TOPBP1: variants seen among roughly 807,000 people sequenced by gnomAD.
TOPBP1 encodes DNA topoisomerase II binding protein 1, also known as DNA topoisomerase 2-binding protein 1.
In TOPBP1, 28 loss-of-function variants were observed where a neutral mutation model predicts 167.7. That is an observed-to-expected ratio of 0.17 (90% CI 0.12 to 0.23). The LOEUF (loss-of-function observed/expected upper bound fraction) is 0.23, where lower values mean the gene tolerates loss of function less well. Among genes scored for constraint, TOPBP1 ranks in the 10% least tolerant of loss-of-function variants. The probability of loss-of-function intolerance (pLI) is 1.00; values close to 1 mark genes in which losing one functional copy is unlikely to be tolerated. For missense variants in TOPBP1, 1,554 were observed against 1,809.6 expected (o/e 0.86, Z 2.56); for synonymous variants, 598 against 611.4 (o/e 0.98, Z 0.32).
In TOPBP1 at chr3:133,659,122, T is replaced by C. The variant is rs1289247737; in HGVS notation, c.113A>G (p.Tyr38Cys). ...ESIKEFQSEE[Y>C]LQIITEEEAL... ...CTCTTCTTCTGTAATAATCTGAAGA[T>C]ATTCTTCTGATTGGAATTCTTTTAT... is the stretch of plus-strand genomic sequence containing the variant. Residue 38 changes from tyrosine (Y) to cysteine (C), a missense_variant, in exon 3 of 28, where the codon TAT becomes TGT. By Grantham distance (194) the Tyr-to-Cys change is radical. Transcript: ENST00000260810. The C allele has an allele frequency of 4.4e-6, 7 of 1,574,582 alleles. No individual in the cohort carries two copies. Among genetic ancestry groups the C allele is most frequent in the African/African-American group, 1.4e-5 (1 of 74,038 alleles).
chr3:133,629,713 T>C (rs1024119193), intron 14 of TOPBP1, among the ~76,000 whole-genome samples: 2 of 152,186 alleles, frequency 1.3e-5, no homozygotes, highest in African/African-American at 4.8e-5. Context: ...CTAAAAAATT[T>C]TATCTGTATG....
In TOPBP1 at chr3:133,601,327, C is replaced by G; in HGVS notation, c.4492G>C (p.Glu1498Gln). The change falls in exon 28 of 28, where the codon GAA (glutamate) becomes CAA (glutamine). Residue 1498 changes from glutamate to glutamine, a missense_variant. This residue lies in a region of TOPBP1 where 351 missense variants were observed against 432.9 expected (regional missense o/e 0.81). Transcript: ENST00000260810. ...EAISFIQNNK[E>Q]LGTGLSQKRK... ...TTTTGTGATAATCCAGTCCCAAGTT[C>G]CTTATTATTCTGAATAAATGAAATA... is the stretch of plus-strand genomic sequence containing the variant. The G allele has an allele frequency of 6.3e-7, 1 of 1,594,890 alleles. No individual in the cohort carries two copies. Among genetic ancestry groups the G allele is most frequent in the Non-Finnish European group, 8.5e-7 (1 of 1,170,690 alleles).
chr3:133,640,237 T>C (rs1399878064), intron 12 of TOPBP1, 67 bp from the exon 13 acceptor site: 2 of 1,364,592 alleles, frequency 1.5e-6, no homozygotes, highest in Non-Finnish European at 2.0e-6. Context: ...CTAACAAAAT[T>C]TCCAACACAA....
intron 21 of TOPBP1, 146 bp from the exon 22 acceptor site, chr3:133,617,472 C>T (rs1008903787): frequency 1.7e-5 from 14 of 808,142 alleles, no homozygotes; most frequent in Non-Finnish European, 1.0e-5. Context: ...GTATCCTATC[C>T]CCAGAACTTA....
intron 27 of TOPBP1, among the ~76,000 whole-genome samples, chr3:133,608,089 CA>C (rs1302578143): frequency 6.6e-6 from 1 of 152,160 alleles, no homozygotes. Context: ...TTACACAACA[CA>C]GGCCAATTCT....
intron 23 of TOPBP1, among the ~76,000 whole-genome samples, chr3:133,613,343 T>A (rs1382462522): frequency 6.6e-6 from 1 of 152,230 alleles, no homozygotes; most frequent in Admixed American, 6.5e-5. Flanking sequence ...TTTTCCTGTT[T>A]GTCTTCACTT....
At chr3:133,617,527 G>A in intron 21 of TOPBP1, 1 of 458,308 alleles carries the variant, frequency 2.2e-6, no homozygotes, top group Middle Eastern at 6.1e-4. Context: ...TAACAATAAA[G>A]AAAAAATGCA....
intron 16 of TOPBP1, among the ~76,000 whole-genome samples, chr3:133,626,041 T>C (rs1459888438): frequency 6.6e-6 from 1 of 152,202 alleles, no homozygotes; most frequent in African/African-American, 2.4e-5. Flanking sequence ...CTGTCAGTGG[T>C]TGTAGATGGT....
At chr3:133,657,365 GCTCT>G (rs1218254876) in intron 4 of TOPBP1, among the ~76,000 whole-genome samples, 2 of 142,660 alleles carry the variant, frequency 1.4e-5, no homozygotes, top group African/African-American at 2.6e-5. Context: ...TATTTCTATA[GCTCT>G]CTCTTAGAAT....
In TOPBP1 at chr3:133,644,226, T is replaced by A. The variant is rs142829407; in HGVS notation, c.1642A>T (p.Thr548Ser). The part of the protein sequence containing the change: ...SHCVPDVSTI[T>S]EEGLFSQKSF... ...TTTTGGCTAAATAAGCCTTCTTCAG[T>A]AATTGTAGAAACATCAGGGACACAA... is the stretch of plus-strand genomic sequence containing the variant. Residue 548 changes from threonine (T) to serine (S), a missense_variant, in exon 11 of 28, where the codon ACT (threonine) becomes TCT (serine). By Grantham distance (58) the Thr-to-Ser change is moderately conservative. Transcript: ENST00000260810. 260 of 1,613,898 alleles carry A rather than the reference T, an allele frequency of 1.6e-4. 1 individual carries two copies. The African/African-American group carries it at 3.1e-3, about 20-fold the overall frequency.
chr3:133,617,402 T>C, intron 21 of TOPBP1, 76 bp from the exon 22 acceptor site: 2 of 1,404,566 alleles, frequency 1.4e-6, no homozygotes, highest in Middle Eastern at 2.4e-4. Context: ...TATTCTCATC[T>C]GTCTTAGTCA....
chr3:133,644,050 A>G lies in TOPBP1; in HGVS notation c.1818T>C (p.Thr606=). 6.2e-7 allele frequency: 1 copy of G among 1,607,624 alleles called. No homozygotes were observed. Among genetic ancestry groups the G allele is most frequent in the Non-Finnish European group, 8.5e-7 (1 of 1,177,400 alleles). ...ATGTATTTGTAACAACTTCTCCCAC[A>G]GTGGCTTCCACTTCACACCCCAGCA... ...VPLLGCEVEA[T]VGEVVTNTWL... Residue 606 remains threonine, a synonymous_variant, in exon 11 of 28, where the codon ACT becomes ACC. Coordinates refer to ENST00000260810, the MANE Select transcript of TOPBP1 (RefSeq NM_007027.4).
chr3:133,637,989 C>A lies in TOPBP1; in HGVS notation c.2407G>T (p.Ala803Ser). The stretch of plus-strand genomic sequence containing the variant: ...GGTTGTCCTACTGCTGGGGAGGCTG[C>A]GACCTGTCTGGCATGTTGTGAGACC... ...AVVSQHARQV[A>S]ASPAVGQPLQ... The change falls in exon 14 of 28, where the codon GCA (alanine) becomes TCA (serine). Residue 803 changes from alanine to serine, a missense_variant. Coordinates refer to ENST00000260810, the MANE Select transcript of TOPBP1 (RefSeq NM_007027.4). The A allele has an allele frequency of 6.2e-7, 1 of 1,613,940 alleles. No homozygotes were observed. The highest frequency in any genetic ancestry group is 8.5e-7 in the Non-Finnish European group (1 of 1,179,872).
intron 24 of TOPBP1, 95 bp from the exon 25 acceptor site, chr3:133,611,236 G>A: frequency 9.0e-7 from 1 of 1,108,466 alleles, no homozygotes; most frequent in Non-Finnish European, 1.2e-6. Flanking sequence ...TCTAATAACT[G>A]TTAAAGCTAT....
intron 19 of TOPBP1, 141 bp from the exon 20 acceptor site, chr3:133,620,488 T>G: frequency 1.2e-6 from 1 of 822,288 alleles, no homozygotes; most frequent in Non-Finnish European, 1.9e-6. Flanking sequence ...GCTATAGTAA[T>G]GTACTAAAAC....
chr3:133,648,616 T>G (rs989403078), intron 10 of TOPBP1, among the ~76,000 whole-genome samples: 6 of 151,986 alleles, frequency 3.9e-5, no homozygotes, highest in African/African-American at 1.4e-4. Context: ...TGGCCAACAC[T>G]GAGAAACCCC....
intron 10 of TOPBP1, among the ~76,000 whole-genome samples, chr3:133,644,967 T>C (rs998143223): frequency 6.6e-6 from 1 of 152,208 alleles, no homozygotes; most frequent in Admixed American, 6.5e-5. Context: ...ACTGTGAGGC[T>C]GATACTATCA....
intron 27 of TOPBP1, among the ~76,000 whole-genome samples, chr3:133,605,980 G>C (rs1212478265): frequency 6.6e-6 from 1 of 152,054 alleles, no homozygotes; most frequent in Non-Finnish European, 1.5e-5. Flanking sequence ...TGGATTGCTT[G>C]AGACCAGCCT....
At chr3:133,642,624 C>A (rs1935930043) in intron 12 of TOPBP1, among the ~76,000 whole-genome samples, 1 of 152,124 alleles carries the variant, frequency 6.6e-6, no homozygotes, top group Non-Finnish European at 1.5e-5. Flanking sequence ...GTGGTGTATT[C>A]TTTGTAAGAA....
Sources: gnomAD v4.1 joint callset for allele counts (sites outside exome capture counted in the v4.1 genomes callset) on GRCh38, gnomAD v4.1.1 for gene constraint, gnomAD v4.1.1 regional missense constraint, MANE v1.5 for transcripts, NCBI Gene and HGNC (gene_info 2026-07-23, HGNC 2026-07-21) for gene names.